The following HECW2 variants were observed in gnomAD, a reference collection of about 807,000 sequenced individuals.
HECW2 encodes HECT, C2 and WW domain containing E3 ubiquitin protein ligase 2, also known as E3 ubiquitin-protein ligase HECW2.
Under a neutral mutation model 175.2 loss-of-function variants are expected in HECW2, and 61 were observed. The observed-to-expected ratio is 0.35, with a 90% CI of 0.28 to 0.43. The LOEUF (loss-of-function observed/expected upper bound fraction) is 0.43, where lower values mean the gene tolerates loss of function less well. Among genes scored for constraint, HECW2 ranks in the 20% least tolerant of loss-of-function variants. HECW2 has a pLI of 1.00. For missense variants in HECW2, 1,524 were observed against 2,000.5 expected (o/e 0.76, Z 4.54); for synonymous variants, 671 against 731.0 (o/e 0.92, Z 1.32).
intron 13 of HECW2, among the ~76,000 whole-genome samples, chr2:196,297,964 T>TA (rs1336118902): frequency 6.6e-6 from 1 of 152,244 alleles, no homozygotes; most frequent in Non-Finnish European, 1.5e-5. Flanking sequence ...TTAACAAAAC[T>TA]ATCTACAAAT....
At chr2:196,228,914 A>T (rs542048611) in intron 21 of HECW2, among the ~76,000 whole-genome samples, 3 of 152,136 alleles carry the variant, frequency 2.0e-5, no homozygotes, top group African/African-American at 7.2e-5. Flanking sequence ...AGAGGCTGAA[A>T]CTCTAACACC....
chr2:196,262,844 C>G (rs1268664958), intron 17 of HECW2, among the ~76,000 whole-genome samples: 2 of 152,144 alleles, frequency 1.3e-5, no homozygotes, highest in Non-Finnish European at 2.9e-5. Context: ...CAGGCACGAG[C>G]TATGGTGCTC....
chr2:196,405,082 C>T (rs1231205952), intron 2 of HECW2, among the ~76,000 whole-genome samples: 2 of 151,480 alleles, frequency 1.3e-5, no homozygotes, highest in Non-Finnish European at 2.9e-5. Context: ...CCGCCCGCCT[C>T]GGCCTCCCAA....
intron 23 of HECW2, among the ~76,000 whole-genome samples, chr2:196,224,256 T>C (rs1310584250): frequency 6.6e-6 from 1 of 152,130 alleles, no homozygotes; most frequent in Non-Finnish European, 1.5e-5. Context: ...TAGGGAAACT[T>C]GATGAGCTTA....
intron 2 of HECW2, among the ~76,000 whole-genome samples, chr2:196,375,728 C>T (rs112626756): frequency 3.3e-5 from 5 of 152,294 alleles, no homozygotes; most frequent in African/African-American, 7.2e-5. Flanking sequence ...GGTGGGAAAA[C>T]GTCTACAGAG....
intron 1 of HECW2, among the ~76,000 whole-genome samples, chr2:196,480,451 C>A (rs946083689): frequency 6.6e-6 from 1 of 152,186 alleles, no homozygotes; most frequent in Admixed American, 6.5e-5. Context: ...TCCCTCAAGG[C>A]CCCAAGGGTA....
At chr2:196,227,818 A>T (rs368850401) in intron 22 of HECW2, among the ~76,000 whole-genome samples, 119 of 152,316 alleles carry the variant, frequency 7.8e-4, no homozygotes, top group African/African-American at 2.8e-3. Flanking sequence ...GGAACGCATC[A>T]TCTCTTTCTT....
At chr2:196,349,444 C>G (rs1380063730) in intron 2 of HECW2, among the ~76,000 whole-genome samples, 1 of 151,918 alleles carries the variant, frequency 6.6e-6, no homozygotes, top group Non-Finnish European at 1.5e-5. Context: ...TAAGCTTGTC[C>G]CTTTGTGTCT....
intron 1 of HECW2, among the ~76,000 whole-genome samples, chr2:196,462,495 T>C (rs1276455737): frequency 6.6e-6 from 1 of 152,194 alleles, no homozygotes; most frequent in Non-Finnish European, 1.5e-5. Flanking sequence ...GATGCTTTAA[T>C]CAGATCTTAG....
chr2:196,507,561 T>C (rs192418049), intron 1 of HECW2, among the ~76,000 whole-genome samples: 1 of 152,278 alleles, frequency 6.6e-6, no homozygotes, highest in East Asian at 1.9e-4. Context: ...CAAATAATTA[T>C]CCAGTTCAAA....
At chr2:196,510,557 G>A (rs1167363639) in intron 1 of HECW2, among the ~76,000 whole-genome samples, 2 of 149,820 alleles carry the variant, frequency 1.3e-5, no homozygotes, top group Non-Finnish European at 3.0e-5. Context: ...CCAGGTTGTG[G>A]GGTTTTCTTT....
chr2:196,367,381 T>A lies in HECW2; in HGVS notation c.293-23617A>T, dbSNP rs577512412. ...TGTGGGTACATGGTAGGTGCCTATATTTACAGGGTACATGAGATACTTTGA... is the reference window on the plus strand; with the variant it reads ...TGTGGGTACATGGTAGGTGCCTATAATTACAGGGTACATGAGATACTTTGA... On this transcript the variant is annotated intron_variant, in intron 2 of 28. Transcript: ENST00000644978. Among the ~76,000 whole-genome samples, 21 of 152,312 alleles carry A rather than the reference T, an allele frequency of 1.4e-4. No homozygotes were observed. In the South Asian group the frequency reaches 3.3e-3, roughly 24 times the overall value.
intron 2 of HECW2, among the ~76,000 whole-genome samples, chr2:196,415,242 G>A (rs1325066889): frequency 1.3e-5 from 2 of 152,124 alleles, no homozygotes; most frequent in Non-Finnish European, 2.9e-5. Context: ...TATATTCCTC[G>A]GTAGGAGACT....
At chr2:196,394,874 A>C (rs958062645) in intron 2 of HECW2, among the ~76,000 whole-genome samples, 1 of 152,214 alleles carries the variant, frequency 6.6e-6, no homozygotes, top group Non-Finnish European at 1.5e-5. Flanking sequence ...GGTAGCTTAT[A>C]AACAATAAAC....
chr2:196,422,398 A>G (rs1338420899), intron 2 of HECW2, among the ~76,000 whole-genome samples: 4 of 152,174 alleles, frequency 2.6e-5, no homozygotes, highest in African/African-American at 9.6e-5. Flanking sequence ...TAAGTATTTA[A>G]GAGCTAGCAT....
intron 14 of HECW2, among the ~76,000 whole-genome samples, chr2:196,281,723 T>A (rs1402998567): frequency 2.8e-5 from 4 of 142,848 alleles, no homozygotes; most frequent in Non-Finnish European, 6.1e-5. Flanking sequence ...TGAGGGAAGC[T>A]AAAGACCCTA....
chr2:196,307,054 C>A, intron 12 of HECW2, 76 bp downstream of exon 12: 1 of 1,023,832 alleles, frequency 9.8e-7, no homozygotes, highest in Non-Finnish European at 1.5e-6. Context: ...AAAGAAAAGC[C>A]TTACTTGTTG....
intron 14 of HECW2, chr2:196,288,022 T>C (rs1024658624): frequency 6.6e-6 from 1 of 152,076 alleles, no homozygotes; most frequent in Non-Finnish European, 1.5e-5. Context: ...TATTATACTT[T>C]AAGTTTTAGG....
intron 2 of HECW2, among the ~76,000 whole-genome samples, chr2:196,371,475 C>T (rs1289173055): frequency 1.3e-5 from 2 of 152,194 alleles, no homozygotes; most frequent in Admixed American, 6.5e-5. Context: ...AAGCTGAGAA[C>T]AGTGCTCCAC....
Sources: gnomAD v4.1 joint callset for allele counts (sites outside exome capture counted in the v4.1 genomes callset) on GRCh38, gnomAD v4.1.1 for gene constraint, MANE v1.5 for transcripts, NCBI Gene and HGNC (gene_info 2026-07-23, HGNC 2026-07-21) for gene names.